The following SPTB variants were observed in gnomAD, a reference collection of about 807,000 sequenced individuals.
The protein encoded by SPTB is spectrin beta, erythrocytic.
Under a neutral mutation model 256.2 loss-of-function variants are expected in SPTB, and 45 were observed. That is an observed-to-expected ratio of 0.18 (90% CI 0.14 to 0.23). The LOEUF (loss-of-function observed/expected upper bound fraction) is 0.23. SPTB is among the 10% of genes least tolerant of loss of function. The pLI is 1.00. For missense variants in SPTB, 2,715 were observed against 3,040.4 expected (o/e 0.89, Z 2.52); for synonymous variants, 1,231 against 1,243.1 (o/e 0.99, Z 0.21).
In SPTB at chr14:64,793,788, C is replaced by G. The variant is rs1328766457; in HGVS notation, c.1875G>C (p.Met625Ile). The change falls in exon 14 of 36, where the codon ATG becomes ATC. Residue 625 changes from methionine (M) to isoleucine (I), a missense_variant. Coordinates refer to ENST00000644917, the MANE Select transcript of SPTB (RefSeq NM_001355436.2). This position sits in a 1 kb window ranked among gnomAD's most constrained non-coding sequence, Gnocchi z 7.0. ...CCAGTTGGGCCTTCCGCCCAGCTGC[C>G]ATGTTGCTCAGCTCCTCAAAGCACT... ...LEQCFEELSN[M>I]AAGRKAQLEQ... 1.2e-6 allele frequency: 2 copies of G among 1,613,702 alleles called. 1 individual carries two copies. The highest frequency in any genetic ancestry group is 4.5e-5 in the East Asian group (2 of 44,888).
chr14:64,872,663 C>G (rs1882598226), intron 1 of SPTB, among the ~76,000 whole-genome samples: 2 of 152,228 alleles, frequency 1.3e-5, no homozygotes, highest in African/African-American at 2.4e-5. Context: ...GGGGGCTTCC[C>G]ATTTGGTATG....
intron 14 of SPTB, 45 bp from the exon 15 acceptor site, chr14:64,791,901 A>G: frequency 6.2e-7 from 1 of 1,612,918 alleles, no homozygotes; most frequent in Non-Finnish European, 8.5e-7. Context: ...AGGCGGCAGC[A>G]GACATTTCCT....
At chr14:64,753,450 A>T in intron 33 of SPTB, 87 bp downstream of exon 33, 1 of 1,600,900 alleles carries the variant, frequency 6.2e-7, no homozygotes, top group Non-Finnish European at 8.5e-7. Flanking sequence ...CCCCCAGCAC[A>T]TGCCCATGTC....
At chr14:64,877,674 A>G (rs1043700839) in intron 1 of SPTB, among the ~76,000 whole-genome samples, 2 of 152,244 alleles carry the variant, frequency 1.3e-5, no homozygotes, top group African/African-American at 4.8e-5. Context: ...ACTGGGTACA[A>G]CAACATAAAA....
At position 64,753,551 on chromosome 14, in the gene SPTB, CT is replaced by C; in HGVS notation, c.6587del (p.Lys2196ArgfsTer20). On this transcript the variant is annotated frameshift_variant, in exon 33 of 36. Transcript: ENST00000644917. LOFTEE classifies it high-confidence loss of function. ...CCCGCACTCACCTGTTGGAAGCCTT[CT>C]TGTTGGGCCCCTCCAGGTCATGCTT... ...GRKHDLEGPN[K>X]KASNRSWNNL... 1 of 1,613,530 alleles carries C rather than the reference CT, an allele frequency of 6.2e-7. No individual in the cohort carries two copies. Among genetic ancestry groups the C allele is most frequent in the Non-Finnish European group, 8.5e-7 (1 of 1,180,006 alleles).
intron 1 of SPTB, among the ~76,000 whole-genome samples, chr14:64,865,053 T>TA (rs1174541454): frequency 6.6e-6 from 1 of 152,060 alleles, no homozygotes; most frequent in African/African-American, 2.4e-5. Flanking sequence ...TTTATCTATA[T>TA]AACATCTCTC....
At position 64,749,522 on chromosome 14, in the gene SPTB, C is replaced by G; in HGVS notation, c.6820-49G>C. The G allele has an allele frequency of 6.3e-7, 1 of 1,597,886 alleles. No homozygotes were observed. Among genetic ancestry groups the G allele is most frequent in the Non-Finnish European group, 8.5e-7 (1 of 1,177,366 alleles). On this transcript the variant is annotated intron_variant, in intron 35 of 35. Transcript: ENST00000644917. This position sits in a 1 kb window ranked among gnomAD's most constrained non-coding sequence, Gnocchi z 4.7. ...GAGTCTGGAGGCCCACAGCCCCCCACCTCCCGGGCCAGGCAACAATGGTGG... is the reference window on the plus strand; with the variant it reads ...GAGTCTGGAGGCCCACAGCCCCCCAGCTCCCGGGCCAGGCAACAATGGTGG...
intron 28 of SPTB, 73 bp downstream of exon 28, chr14:64,769,517 C>A: frequency 6.3e-7 from 1 of 1,593,368 alleles, no homozygotes; most frequent in Non-Finnish European, 8.5e-7. Context: ...CATCTCCCTC[C>A]CAGGAGGCTG....
rs148074782 is a variant in SPTB, at chr14:64,773,347, C to T, written c.5051G>A (p.Arg1684His). 79 of 1,614,070 alleles carry T rather than the reference C, an allele frequency of 4.9e-5. No individual in the cohort carries two copies. The highest frequency in any genetic ancestry group is 1.5e-4 in the Admixed American group (9 of 60,004). The change falls in exon 25 of 36, where the codon CGC (arginine) becomes CAC (histidine). Residue 1684 changes from arginine to histidine, a missense_variant. Coordinates refer to ENST00000644917, the MANE Select transcript of SPTB (RefSeq NM_001355436.2). ...CAGGTGGTACATGTTCTCCAGCTTGCGCTTGCGCTCTTCCGCCACGTCCTT... is the reference window on the plus strand; with the variant it reads ...CAGGTGGTACATGTTCTCCAGCTTGTGCTTGCGCTCTTCCGCCACGTCCTT... ...GLKDVAEERK[R>H]KLENMYHLFQ... is the part of the protein sequence containing the mutation.
At chr14:64,766,280 G>T in intron 32 of SPTB, 1 of 609,200 alleles carries the variant, frequency 1.6e-6, no homozygotes, top group Non-Finnish European at 2.3e-6. Flanking sequence ...GTGCATGCAT[G>T]TGTGTGTGGG....
At chr14:64,763,737 G>T (rs189022724) in intron 32 of SPTB, 9 of 518,934 alleles carry the variant, frequency 1.7e-5, no homozygotes, top group Admixed American at 1.2e-4. Context: ...TGTTTCTTCT[G>T]CCTGGCCTCC....
chr14:64,779,351 T>C lies in SPTB; in HGVS notation c.4474-105A>G. On this transcript the variant is annotated intron_variant, in intron 21 of 35. Transcript: ENST00000644917. This position sits in a 1 kb window ranked among gnomAD's most constrained non-coding sequence, Gnocchi z 4.2. Reference sequence around the variant, plus strand: ...AGCTTTGCTGGCAGTGTCTCCCCAGTTCCTCCCAACACCCCATCAGGGTTT... The same window carrying C: ...AGCTTTGCTGGCAGTGTCTCCCCAGCTCCTCCCAACACCCCATCAGGGTTT... 1 of 932,644 alleles carries C rather than the reference T, an allele frequency of 1.1e-6. No homozygotes were observed. Among genetic ancestry groups the C allele is most frequent in the South Asian group, 1.4e-5 (1 of 70,986 alleles). The allele number at this position is 932,644 out of a possible 1,614,324, so 57.8% of individuals were successfully genotyped here.
In SPTB at chr14:64,845,539, G is replaced by A. The variant is rs2083677223; in HGVS notation, c.-51-22394C>T. On this transcript the variant is annotated intron_variant, in intron 1 of 35. Coordinates refer to ENST00000644917, the MANE Select transcript of SPTB (RefSeq NM_001355436.2). The surrounding 1 kb of genome is among the most constrained non-coding windows in gnomAD (Gnocchi z 4.8). ...TGAATTCATCCCACAAATATCTTCT[G>A]AGCACTGCGTTGAACTCTCAAACTT... Among the ~76,000 whole-genome samples, 1 of 152,210 alleles carries A rather than the reference G, an allele frequency of 6.6e-6. No individual in the cohort carries two copies. The highest frequency in any genetic ancestry group is 1.5e-5 in the Non-Finnish European group (1 of 68,044).
chr14:64,858,596 G>A (rs970955880), intron 1 of SPTB, among the ~76,000 whole-genome samples: 7 of 152,094 alleles, frequency 4.6e-5, no homozygotes, highest in African/African-American at 1.7e-4. Flanking sequence ...AGCAGGGAGA[G>A]AAGGAAGGAA....
In SPTB at chr14:64,749,249, C is replaced by T. The variant is rs935637087; in HGVS notation, c.*57G>A. On this transcript the variant is annotated 3_prime_UTR_variant, in exon 36 of 36. Transcript: ENST00000644917. The surrounding 1 kb of genome is among the most constrained non-coding windows in gnomAD (Gnocchi z 4.7). ...GGGCGGCGGCGAGAGGAGGCCAAGG[C>T]CTGGGCTGCCCGGTCTCTGCGCGTC... The T allele has an allele frequency of 5.2e-6, 8 of 1,533,670 alleles. No individual in the cohort carries two copies. In the African/African-American group the frequency reaches 5.5e-5, roughly 11 times the overall value.
chr14:64,855,482 G>A (rs1454294958), intron 1 of SPTB, among the ~76,000 whole-genome samples: 1 of 152,050 alleles, frequency 6.6e-6, no homozygotes, highest in Non-Finnish European at 1.5e-5. Flanking sequence ...ATCATCCCTT[G>A]TGTTCTAACA....
chr14:64,830,387 T>C (rs2083437384), intron 1 of SPTB, among the ~76,000 whole-genome samples: 1 of 148,956 alleles, frequency 6.7e-6, no homozygotes, highest in Admixed American at 6.7e-5. Context: ...TTATTTTATT[T>C]TATTTTTTGA....
Position 64,780,013 on chromosome 14 carries a change from C to T in SPTB, c.4267-82G>A, listed in dbSNP as rs1362091127. 6 of 1,296,384 alleles carry T rather than the reference C, an allele frequency of 4.6e-6. No homozygotes were observed. In the African/African-American group the frequency reaches 7.4e-5, roughly 16 times the overall value. The allele number at this position is 1,296,384 out of a possible 1,614,324, so 80.3% of individuals were successfully genotyped here. On this transcript the variant is annotated intron_variant, in intron 20 of 35. Coordinates refer to ENST00000644917, the MANE Select transcript of SPTB (RefSeq NM_001355436.2). ...TCTTCTTCATTCATCTGCATCCCACCCATCCTTTAAGGCCCAATTTGAGCT... is the reference window on the plus strand; with the variant it reads ...TCTTCTTCATTCATCTGCATCCCACTCATCCTTTAAGGCCCAATTTGAGCT...
At position 64,773,319 on chromosome 14, in the gene SPTB, G is replaced by A; in HGVS notation, c.5079C>T (p.Phe1693=). The change falls in exon 25 of 36, where the codon TTC becomes TTT. Residue 1693 remains phenylalanine (F), a synonymous_variant. Coordinates refer to ENST00000644917, the MANE Select transcript of SPTB (RefSeq NM_001355436.2). ...KRKLENMYHL[F]QLKRETDDLE... ...GGTCGTCGGTCTCCCGCTTGAGCTG[G>A]AACAGGTGGTACATGTTCTCCAGCT... 6.2e-7 allele frequency: 1 copy of A among 1,614,208 alleles called. No homozygotes were observed. The highest frequency in any genetic ancestry group is 2.2e-5 in the East Asian group (1 of 44,874).
Sources: allele counts gnomAD v4.1 joint callset (sites outside exome capture counted in the v4.1 genomes callset), GRCh38; gene constraint gnomAD v4.1.1; non-coding constraint Gnocchi (gnomAD v3.1); transcripts MANE v1.5; gene names NCBI Gene and HGNC (gene_info 2026-07-23, HGNC 2026-07-21).